CDH13: variants seen among roughly 807,000 people sequenced by gnomAD.
CDH13 encodes cadherin-13.
A neutral mutation model predicts 63.8 loss-of-function variants in CDH13; 24 were observed. The ratio of observed to expected loss-of-function variants is 0.38; its 90% CI spans 0.27 to 0.53. The LOEUF is 0.53. Ranked by LOEUF, CDH13 falls within the 20% of genes least tolerant of loss-of-function variation. The probability of loss-of-function intolerance (pLI) is 0.85; values close to 1 mark genes in which losing one functional copy is unlikely to be tolerated. For missense variants in CDH13, 1,049 were observed against 903.1 expected (o/e 1.16, Z -2.07); for synonymous variants, 503 against 355.3 (o/e 1.42, Z -4.67).
At chr16:82,839,758 C>G (rs565760897) in intron 1 of CDH13, among the ~76,000 whole-genome samples, 10 of 152,322 alleles carry the variant, frequency 6.6e-5, no homozygotes, top group African/African-American at 2.4e-4. Context: ...GTGTAGTCCC[C>G]CAGCCTACTG....
chr16:83,267,416 G>A (rs1223579261), intron 5 of CDH13, among the ~76,000 whole-genome samples: 1 of 152,130 alleles, frequency 6.6e-6, no homozygotes, highest in Non-Finnish European at 1.5e-5. Context: ...TCGGCTTATA[G>A]GAGAAAGAGA....
At chr16:82,938,567 C>A (rs1431654561) in intron 2 of CDH13, among the ~76,000 whole-genome samples, 1 of 152,184 alleles carries the variant, frequency 6.6e-6, no homozygotes, top group African/African-American at 2.4e-5. Context: ...CCACCGTTGT[C>A]CAGAGTCTAA....
intron 10 of CDH13, among the ~76,000 whole-genome samples, chr16:83,718,136 C>A (rs1467233043): frequency 6.6e-6 from 1 of 152,136 alleles, no homozygotes. Context: ...CATAAAATAC[C>A]AGCGGGAGAG....
At chr16:83,235,754 C>G (rs2040126310) in intron 5 of CDH13, among the ~76,000 whole-genome samples, 1 of 152,128 alleles carries the variant, frequency 6.6e-6, no homozygotes, top group African/African-American at 2.4e-5. Flanking sequence ...CAATTTTCAA[C>G]TATACGGCAC....
chr16:83,425,599 CT>C (rs1427415814), intron 6 of CDH13, among the ~76,000 whole-genome samples: 2 of 152,234 alleles, frequency 1.3e-5, no homozygotes, highest in Non-Finnish European at 2.9e-5. Context: ...CTCTCTTCCA[CT>C]GTTGCCTTTG....
At position 82,959,069 on chromosome 16, in the gene CDH13, CAGCTGT is replaced by C. The variant is rs201371819; in HGVS notation, c.158-72939_158-72934del. Reference sequence around the variant, plus strand: ...TTCCCCAGCAGTGTTCATGATCTGACAGCTGTAACCAATACCTGACATTTCCCTTTT... The same window carrying C: ...TTCCCCAGCAGTGTTCATGATCTGACAACCAATACCTGACATTTCCCTTTT... On this transcript the variant is annotated intron_variant, in intron 2 of 13. Coordinates refer to ENST00000567109, the MANE Select transcript of CDH13 (RefSeq NM_001257.5). Among the ~76,000 whole-genome samples the C allele has an allele frequency of 9.1e-3, 1,384 of 152,334 alleles. 15 individuals are homozygous for C. Among genetic ancestry groups the C allele is most frequent in the African/African-American group, 0.029 (1,185 of 41,572 alleles).
At chr16:83,520,356 A>G (rs1209777674) in intron 7 of CDH13, among the ~76,000 whole-genome samples, 3 of 152,204 alleles carry the variant, frequency 2.0e-5, no homozygotes. Context: ...AATAGTGACT[A>G]CCTTGCAGAG....
At chr16:83,552,131 G>A (rs2150672268) in intron 7 of CDH13, among the ~76,000 whole-genome samples, 1 of 152,334 alleles carries the variant, frequency 6.6e-6, no homozygotes, top group East Asian at 1.9e-4. Context: ...AGGGAAGGCT[G>A]AGTGCCCTTT....
At chr16:82,673,868 C>T (rs567470732) in intron 1 of CDH13, among the ~76,000 whole-genome samples, 3 of 152,282 alleles carry the variant, frequency 2.0e-5, no homozygotes, top group African/African-American at 7.2e-5. Flanking sequence ...ACTCCAGGTC[C>T]TCAAAAACTG....
chr16:83,367,775 A>G (rs1319283664), intron 6 of CDH13, among the ~76,000 whole-genome samples: 1 of 152,132 alleles, frequency 6.6e-6, no homozygotes, highest in Non-Finnish European at 1.5e-5. Context: ...GTATTTCCAT[A>G]TAAATTTTGA....
chr16:83,231,957 T>G (rs1264283245), intron 5 of CDH13, among the ~76,000 whole-genome samples: 1 of 152,058 alleles, frequency 6.6e-6, no homozygotes, highest in East Asian at 1.9e-4. Flanking sequence ...TAAAAGAATG[T>G]GACACAGAAA....
At chr16:83,586,812 G>A (rs979436084) in intron 7 of CDH13, among the ~76,000 whole-genome samples, 1 of 152,188 alleles carries the variant, frequency 6.6e-6, no homozygotes, top group Non-Finnish European at 1.5e-5. Flanking sequence ...TATGCTCACT[G>A]CTTTTTCTCC....
intron 6 of CDH13, among the ~76,000 whole-genome samples, chr16:83,484,346 G>C (rs1223507292): frequency 6.6e-6 from 1 of 152,194 alleles, no homozygotes; most frequent in Non-Finnish European, 1.5e-5. Flanking sequence ...CTGCGGCTTT[G>C]ATCTCTTCCG....
rs549430761 is a variant in CDH13 at position 83,065,700 on chromosome 16, T to A, written c.366+33482T>A. ...AGCCTGGGTGACAGAACGAGATTTGTCTCAAAAAAAAACAAAAAAACAAAA... is the reference window on the plus strand; with the variant it reads ...AGCCTGGGTGACAGAACGAGATTTGACTCAAAAAAAAACAAAAAAACAAAA... On this transcript the variant is annotated intron_variant, in intron 3 of 13. Coordinates refer to ENST00000567109, the MANE Select transcript of CDH13 (RefSeq NM_001257.5). 7.3e-5 allele frequency among the ~76,000 whole-genome samples: 10 copies of A among 136,852 alleles called. No individual in the cohort carries two copies. The South Asian group carries it at 2.1e-3, about 28-fold the overall frequency. The allele number at this position is 136,852 out of a possible 152,430, so 89.8% of individuals were successfully genotyped here. A position where few individuals can be genotyped will look rare whatever the true frequency, so the allele number is the denominator to read the frequency against.
chr16:83,115,829 T>C (rs1395077976), intron 3 of CDH13, among the ~76,000 whole-genome samples: 2 of 152,186 alleles, frequency 1.3e-5, no homozygotes, highest in Non-Finnish European at 2.9e-5. Flanking sequence ...TCACTATTTC[T>C]CCCTATCACT....
chr16:83,472,956 C>T (rs139492838), intron 6 of CDH13, among the ~76,000 whole-genome samples: 3 of 152,210 alleles, frequency 2.0e-5, no homozygotes, highest in Non-Finnish European at 2.9e-5. Flanking sequence ...CTGACATCCA[C>T]GGTGGAGAGA....
rs1266102227 is a variant in CDH13 at position 83,757,288 on chromosome 16, C to T, written c.1681+9038C>T. Among the ~76,000 whole-genome samples the T allele has an allele frequency of 2.6e-5, 4 of 152,086 alleles. No individual in the cohort carries two copies. In the East Asian group the frequency reaches 5.8e-4, roughly 22 times the overall value. Reference sequence around the variant, plus strand: ...AAACAAATATACAAGACAAAATCAACAAATCCAGGCTGGGCACGGTGGCTC... The same window carrying T: ...AAACAAATATACAAGACAAAATCAATAAATCCAGGCTGGGCACGGTGGCTC... On this transcript the variant is annotated intron_variant, in intron 11 of 13. Coordinates refer to ENST00000567109, the MANE Select transcript of CDH13 (RefSeq NM_001257.5).
At chr16:83,705,103 C>A (rs1247611059) in intron 10 of CDH13, among the ~76,000 whole-genome samples, 1 of 152,128 alleles carries the variant, frequency 6.6e-6, no homozygotes, top group Non-Finnish European at 1.5e-5. Context: ...TAGGTTTCCC[C>A]GATTCTTAAA....
chr16:82,764,485 G>A (rs901652200), intron 1 of CDH13, among the ~76,000 whole-genome samples: 9 of 152,194 alleles, frequency 5.9e-5, no homozygotes, highest in African/African-American at 1.4e-4. Context: ...TGGGAGGGAA[G>A]CAGATAGATG....
Sources: allele counts gnomAD v4.1 joint callset (sites outside exome capture counted in the v4.1 genomes callset), GRCh38; gene constraint gnomAD v4.1.1; transcripts MANE v1.5; gene names NCBI Gene and HGNC (gene_info 2026-07-23, HGNC 2026-07-21).